The following CREB3L2 variants were observed in gnomAD, a reference collection of about 807,000 sequenced individuals.
CREB3L2 encodes cyclic AMP-responsive element-binding protein 3-like protein 2.
Under a neutral mutation model 57.2 loss-of-function variants are expected in CREB3L2, and 23 were observed. That is an observed-to-expected ratio of 0.40 (90% CI 0.29 to 0.57). The LOEUF is 0.57. Ranked by LOEUF, CREB3L2 falls within the 20% of genes least tolerant of loss-of-function variation. CREB3L2 has a pLI of 0.42. For synonymous variants in CREB3L2, 268 were observed against 265.1 expected (o/e 1.01, Z -0.11); for missense variants, 628 against 634.7 (o/e 0.99, Z 0.11).
chr7:137,893,653 A>G (rs189257076), intron 8 of CREB3L2, among the ~76,000 whole-genome samples: 1 of 152,368 alleles, frequency 6.6e-6, no homozygotes, highest in African/African-American at 2.4e-5. Flanking sequence ...AAAACCCAGT[A>G]GACTTGGCTG....
At chr7:137,994,522 T>A (rs573596920) in intron 1 of CREB3L2, among the ~76,000 whole-genome samples, 18 of 152,192 alleles carry the variant, frequency 1.2e-4, no homozygotes, top group African/African-American at 4.3e-4. Flanking sequence ...AGTTAGTGAG[T>A]CAAGACATAG....
intron 4 of CREB3L2, among the ~76,000 whole-genome samples, chr7:137,909,133 G>C (rs1427240855): frequency 2.6e-5 from 4 of 152,204 alleles, no homozygotes; most frequent in Non-Finnish European, 4.4e-5. Context: ...AAAAAAGCCG[G>C]TTTGTTTCTG....
intron 7 of CREB3L2, among the ~76,000 whole-genome samples, chr7:137,903,191 C>T (rs2117202243): frequency 6.6e-6 from 1 of 152,208 alleles, no homozygotes; most frequent in Admixed American, 6.5e-5. Context: ...TATGGAGAGC[C>T]AACTATACTT....
At chr7:137,898,653 A>T (rs985363123) in intron 8 of CREB3L2, among the ~76,000 whole-genome samples, 3 of 152,204 alleles carry the variant, frequency 2.0e-5, no homozygotes, top group Non-Finnish European at 2.9e-5. Flanking sequence ...GGAACCTATG[A>T]AGAATTCTTA....
chr7:137,884,483 C>T (rs963737911), intron 10 of CREB3L2: 7 of 185,306 alleles, frequency 3.8e-5, no homozygotes, highest in African/African-American at 1.2e-4. Context: ...CTCCTGACCT[C>T]GTGATCTGCC....
chr7:137,988,101 C>T (rs1801821990), intron 1 of CREB3L2, among the ~76,000 whole-genome samples: 1 of 152,192 alleles, frequency 6.6e-6, no homozygotes, highest in Non-Finnish European at 1.5e-5. Context: ...TCCTCTGCAC[C>T]CACCTCTGTC....
chr7:137,903,953 G>C lies in CREB3L2; in HGVS notation c.974+6C>G, dbSNP rs1251001985. The C allele has an allele frequency of 6.2e-7, 1 of 1,612,256 alleles. No individual in the cohort carries two copies. The highest frequency in any genetic ancestry group is 1.1e-5 in the South Asian group (1 of 91,028). On this transcript the variant is annotated splice_donor_region_variant and intron_variant, in intron 7 of 11. Coordinates refer to ENST00000330387, the MANE Select transcript of CREB3L2 (RefSeq NM_194071.4). ...GATGAACGCAACAGTTTGCCAGCAGGCTTACTTTTTCTCCAGGCTGTCCAT... is the reference window on the plus strand; with the variant it reads ...GATGAACGCAACAGTTTGCCAGCAGCCTTACTTTTTCTCCAGGCTGTCCAT...
In CREB3L2 at chr7:138,001,615, T is replaced by G. The variant is rs773314050; in HGVS notation, c.91A>C (p.Met31Leu). Residue 31 changes from methionine (M) to leucine (L), a missense_variant, in exon 1 of 12, where the codon ATG (methionine) becomes CTG (leucine). Physicochemically the swap from Met to Leu is conservative, Grantham distance 15 (BLOSUM62 2). This residue lies in a region of CREB3L2 where 339 missense variants were observed against 355.4 expected (regional missense o/e 0.95). Transcript: ENST00000330387. This position sits in a 1 kb window ranked among gnomAD's most constrained non-coding sequence, Gnocchi z 4.2. ...CGCCGGGTCCTCACCGTGTGGTACA[T>G]GAGGGCCTCGCCGTCCCCGGGCTCT... ...LSEPGDGEALMYHTHFSELLD... is the reference protein window; with the variant it reads ...LSEPGDGEALLYHTHFSELLD... The G allele has an allele frequency of 2.2e-5, 36 of 1,612,706 alleles. 1 individual carries two copies. Among genetic ancestry groups the G allele is most frequent in the African/African-American group, 2.0e-4 (15 of 74,916 alleles).
At position 137,928,133 on chromosome 7, in the gene CREB3L2, T is replaced by C; in HGVS notation, c.319+17A>G. The stretch of plus-strand genomic sequence containing the variant: ...AAAGGCGCTAAGGTCCAGGTCTTCC[T>C]CCTCCTCTGAGTTTACCGTCATTGA... On this transcript the variant is annotated intron_variant, in intron 2 of 11. Coordinates refer to ENST00000330387, the MANE Select transcript of CREB3L2 (RefSeq NM_194071.4). 6.5e-7 allele frequency: 1 copy of C among 1,546,484 alleles called. No individual in the cohort carries two copies. Among genetic ancestry groups the C allele is most frequent in the South Asian group, 1.2e-5 (1 of 84,460 alleles).
At chr7:137,989,307 A>T (rs1801845059) in intron 1 of CREB3L2, among the ~76,000 whole-genome samples, 1 of 152,090 alleles carries the variant, frequency 6.6e-6, no homozygotes, top group Non-Finnish European at 1.5e-5. Context: ...CTAACATGCT[A>T]GTAAGTCCTC....
At chr7:137,967,705 C>A (rs563844138) in intron 1 of CREB3L2, among the ~76,000 whole-genome samples, 1 of 152,190 alleles carries the variant, frequency 6.6e-6, no homozygotes, top group Non-Finnish European at 1.5e-5. Flanking sequence ...TGCTCCCGAT[C>A]GCTGGAAACT....
At chr7:137,893,549 A>G (rs1799563195) in intron 8 of CREB3L2, among the ~76,000 whole-genome samples, 1 of 152,214 alleles carries the variant, frequency 6.6e-6, no homozygotes, top group Non-Finnish European at 1.5e-5. Flanking sequence ...ACAGAAAACC[A>G]TAATAGTGTG....
intron 7 of CREB3L2, 40 bp from the exon 8 acceptor site, chr7:137,901,462 A>G (rs377341876): frequency 3.1e-5 from 41 of 1,338,140 alleles, no homozygotes; most frequent in Admixed American, 2.0e-4. Flanking sequence ...TTATCCATAG[A>G]GCAAACACTA....
intron 2 of CREB3L2, among the ~76,000 whole-genome samples, chr7:137,923,017 C>T (rs1325823917): frequency 2.6e-5 from 4 of 152,156 alleles, no homozygotes. Flanking sequence ...ATGGAAGTTA[C>T]AGGCCTATCT....
chr7:137,944,444 C>T lies in CREB3L2; in HGVS notation c.103-16078G>A, dbSNP rs1274050396. On this transcript the variant is annotated intron_variant, in intron 1 of 11. Transcript: ENST00000330387. ...CTCTGCATGTAGCCTTGGGAACCGACCACGGAAAAAGTAAACCTAAAGCAC... is the reference window on the plus strand; with the variant it reads ...CTCTGCATGTAGCCTTGGGAACCGATCACGGAAAAAGTAAACCTAAAGCAC... Among the ~76,000 whole-genome samples the T allele has an allele frequency of 3.3e-5, 5 of 152,178 alleles. No homozygotes were observed. In the East Asian group the frequency reaches 7.7e-4, roughly 23 times the overall value.
At chr7:137,923,937 G>A (rs1800389983) in intron 2 of CREB3L2, among the ~76,000 whole-genome samples, 1 of 152,190 alleles carries the variant, frequency 6.6e-6, no homozygotes, top group Non-Finnish European at 1.5e-5. Flanking sequence ...ATCAGGCAGA[G>A]ATAAAACCCT....
chr7:137,885,294 C>A, intron 9 of CREB3L2, 109 bp downstream of exon 9: 1 of 1,197,388 alleles, frequency 8.4e-7, no homozygotes, highest in Non-Finnish European at 1.2e-6. Context: ...TGGAGTTCCT[C>A]CATGTGGTTT....
chr7:137,879,814 G>A lies in CREB3L2; in HGVS notation c.*662C>T, dbSNP rs890886804. On this transcript the variant is annotated 3_prime_UTR_variant, in exon 12 of 12. Transcript: ENST00000330387. ...ATGTGTGGGGAACCAGGTTGTGGGA[G>A]GTCCTAAAAGCGACAAGATGGGGCA... is the stretch of plus-strand genomic sequence containing the variant. The A allele has an allele frequency of 2.6e-5, 6 of 235,162 alleles. No homozygotes were observed. The highest frequency in any genetic ancestry group is 5.0e-5 in the Non-Finnish European group (6 of 119,252). 14.6% of individuals were successfully genotyped at this position (235,162 alleles called of 1,614,324 possible). A position where few individuals can be genotyped will look rare whatever the true frequency, so the allele number is the denominator to read the frequency against.
intron 8 of CREB3L2, among the ~76,000 whole-genome samples, chr7:137,892,378 C>T (rs536812470): frequency 2.0e-3 from 296 of 151,338 alleles, no homozygotes; most frequent in Non-Finnish European, 3.5e-3. Flanking sequence ...TGGTCAGGCA[C>T]GGTAGCTCAT....
Sources: allele counts gnomAD v4.1 joint callset (sites outside exome capture counted in the v4.1 genomes callset), GRCh38; gene constraint gnomAD v4.1.1; regional missense constraint gnomAD v4.1.1; non-coding constraint Gnocchi (gnomAD v3.1); transcripts MANE v1.5; gene names NCBI Gene and HGNC (gene_info 2026-07-23, HGNC 2026-07-21).